MAGI2: variants seen among roughly 807,000 people sequenced by gnomAD.
MAGI2 encodes the protein membrane associated guanylate kinase, WW and PDZ domain containing 2.
A neutral mutation model predicts 133.3 loss-of-function variants in MAGI2; 35 were observed. That is an observed-to-expected ratio of 0.26 (90% CI 0.20 to 0.35). The LOEUF is 0.35. Among genes scored for constraint, MAGI2 ranks in the 10% least tolerant of loss-of-function variants. The pLI is 1.00. For missense variants in MAGI2, 1,636 were observed against 1,863.4 expected, an observed-to-expected ratio of 0.88 and a Z score of 2.25; for synonymous variants, 729 against 710.6, an observed-to-expected ratio of 1.03 and a Z score of -0.41.
At chr7:79,040,266 C>T (rs1481464683) in intron 1 of MAGI2, among the ~76,000 whole-genome samples, 1 of 152,070 alleles carries the variant, frequency 6.6e-6, no homozygotes, top group Non-Finnish European at 1.5e-5. Context: ...TCCCCTTTGC[C>T]TTCTGCCATG....
intron 1 of MAGI2, among the ~76,000 whole-genome samples, chr7:79,191,385 TC>T (rs1319589298): frequency 5.5e-5 from 8 of 146,418 alleles, no homozygotes; most frequent in Non-Finnish European, 1.0e-4. Flanking sequence ...CTTCTTTTTT[TC>T]TTTTTCTTTT....
intron 2 of MAGI2, among the ~76,000 whole-genome samples, chr7:78,929,428 A>G (rs1188424596): frequency 6.6e-6 from 1 of 152,076 alleles, no homozygotes; most frequent in Non-Finnish European, 1.5e-5. Flanking sequence ...AACAACACTG[A>G]TTTATTCTCT....
chr7:79,175,909 G>A (rs1336301393), intron 1 of MAGI2, among the ~76,000 whole-genome samples: 1 of 151,940 alleles, frequency 6.6e-6, no homozygotes, highest in African/African-American at 2.4e-5. Context: ...ATTTTGTTTT[G>A]TGTTTCAGTG....
intron 1 of MAGI2, among the ~76,000 whole-genome samples, chr7:79,382,126 C>A (rs1320230619): frequency 6.6e-6 from 1 of 151,518 alleles, no homozygotes; most frequent in Non-Finnish European, 1.5e-5. Flanking sequence ...CCCCTTAAGT[C>A]TTGAATCTAA....
chr7:79,244,461 C>A (rs1832673256), intron 1 of MAGI2, among the ~76,000 whole-genome samples: 1 of 152,158 alleles, frequency 6.6e-6, no homozygotes, highest in South Asian at 2.1e-4. Flanking sequence ...AGGGAGAGTG[C>A]AGTGATTGTG....
chr7:78,534,479 G>A (rs995094452), intron 3 of MAGI2, among the ~76,000 whole-genome samples: 3 of 152,176 alleles, frequency 2.0e-5, no homozygotes, highest in Admixed American at 1.3e-4. Context: ...ATATATGTGT[G>A]TGTGCGTGTG....
At chr7:78,769,769 T>C (rs1385276279) in intron 2 of MAGI2, among the ~76,000 whole-genome samples, 1 of 152,100 alleles carries the variant, frequency 6.6e-6, no homozygotes, top group African/African-American at 2.4e-5. Flanking sequence ...TCACAGAACA[T>C]TTTCTTAAAG....
At chr7:79,115,186 G>T (rs1290362707) in intron 1 of MAGI2, among the ~76,000 whole-genome samples, 1 of 152,112 alleles carries the variant, frequency 6.6e-6, no homozygotes, top group Non-Finnish European at 1.5e-5. Context: ...CAGAAAACCT[G>T]TCTACCTTAA....
intron 10 of MAGI2, among the ~76,000 whole-genome samples, chr7:78,244,829 CAAAA>C (rs66484577): frequency 1.4e-5 from 2 of 145,946 alleles, no homozygotes; most frequent in African/African-American, 4.9e-5. Context: ...CCAAAGATGG[CAAAA>C]AAAAAAGCTT....
intron 6 of MAGI2, among the ~76,000 whole-genome samples, chr7:78,385,595 T>C (rs1186447659): frequency 2.6e-5 from 4 of 152,188 alleles, no homozygotes; most frequent in Admixed American, 6.5e-5. Flanking sequence ...TGAATGTATA[T>C]AGCCAGATGT....
At chr7:79,260,079 G>A (rs1833965848) in intron 1 of MAGI2, among the ~76,000 whole-genome samples, 2 of 152,212 alleles carry the variant, frequency 1.3e-5, no homozygotes, top group South Asian at 4.1e-4. Context: ...ACAAGGCTGG[G>A]CATGGTGGCT....
At chr7:79,011,237 G>C (rs1249959740) in intron 1 of MAGI2, among the ~76,000 whole-genome samples, 1 of 152,062 alleles carries the variant, frequency 6.6e-6, no homozygotes, top group Non-Finnish European at 1.5e-5. Context: ...TCATTTTCAG[G>C]AATGCCCTCA....
At chr7:78,218,883 C>A (rs1023265486) in intron 10 of MAGI2, among the ~76,000 whole-genome samples, 1 of 152,192 alleles carries the variant, frequency 6.6e-6, no homozygotes, top group Non-Finnish European at 1.5e-5. Context: ...AGCCCAACAG[C>A]GCCTCTTCAC....
chr7:78,482,890 CACACACACACACACACACACA>C (rs1792559317), intron 6 of MAGI2, among the ~76,000 whole-genome samples: 1 of 148,542 alleles, frequency 6.7e-6, no homozygotes, highest in Non-Finnish European at 1.5e-5. Flanking sequence ...CACACACACA[CACACACACACACACACACACA>C]CACACACACA....
intron 2 of MAGI2, among the ~76,000 whole-genome samples, chr7:78,724,198 T>C (rs1477414000): frequency 2.6e-5 from 4 of 152,140 alleles, no homozygotes; most frequent in African/African-American, 9.7e-5. Flanking sequence ...CATAGTAACA[T>C]GTAGGAAGAG....
chr7:78,892,605 G>A (rs1796858901), intron 2 of MAGI2, among the ~76,000 whole-genome samples: 3 of 152,132 alleles, frequency 2.0e-5, no homozygotes, highest in Admixed American at 2.0e-4. Flanking sequence ...TCTTTGACAA[G>A]CCTGACAAAA....
intron 21 of MAGI2, among the ~76,000 whole-genome samples, chr7:78,044,304 T>C (rs1289734750): frequency 6.6e-6 from 1 of 152,204 alleles, no homozygotes; most frequent in Admixed American, 6.5e-5. Context: ...TGTATAGGAC[T>C]AGAGAAGAGA....
intron 1 of MAGI2, among the ~76,000 whole-genome samples, chr7:79,174,855 T>C (rs1825952133): frequency 6.6e-6 from 1 of 151,890 alleles, no homozygotes; most frequent in Non-Finnish European, 1.5e-5. Flanking sequence ...TTATCTTCCT[T>C]TTCAAATCTT....
intron 2 of MAGI2, among the ~76,000 whole-genome samples, chr7:78,908,488 G>T (rs1027784453): frequency 6.6e-6 from 1 of 152,198 alleles, no homozygotes; most frequent in Non-Finnish European, 1.5e-5. Context: ...TCCTGATTGT[G>T]ACCTAAAATG....
Sources: gnomAD v4.1 joint callset for allele counts (sites outside exome capture counted in the v4.1 genomes callset) on GRCh38, gnomAD v4.1.1 for gene constraint, MANE v1.5 for transcripts, NCBI Gene and HGNC (gene_info 2026-07-23, HGNC 2026-07-21) for gene names.